The following SDK1 variants were observed in gnomAD, a reference collection of about 807,000 sequenced individuals.
The protein encoded by SDK1 is sidekick cell adhesion molecule 1.
Under a neutral mutation model 245.5 loss-of-function variants are expected in SDK1, and 157 were observed. That is an observed-to-expected ratio of 0.64 (90% CI 0.56 to 0.73). The LOEUF (loss-of-function observed/expected upper bound fraction) is 0.73, where lower values mean the gene tolerates loss of function less well. Ranked by LOEUF, SDK1 falls within the 30% of genes least tolerant of loss-of-function variation. SDK1 has a pLI of 0.00. For missense variants in SDK1, 3,583 were observed against 3,002.3 expected, an observed-to-expected ratio of 1.19 and a Z score of -4.52; for synonymous variants, 1,647 against 1,278.5, an observed-to-expected ratio of 1.29 and a Z score of -6.15.
chr7:4,221,112 G>A, intron 39 of SDK1, 127 bp from the exon 40 acceptor site: 1 of 1,173,030 alleles, frequency 8.5e-7, no homozygotes, highest in Non-Finnish European at 1.2e-6. Flanking sequence ...GGTGCGTGAG[G>A]TTAAGTAACC....
chr7:3,538,311 T>C (rs1452235386), intron 1 of SDK1, among the ~76,000 whole-genome samples: 1 of 152,226 alleles, frequency 6.6e-6, no homozygotes, highest in African/African-American at 2.4e-5. Flanking sequence ...TCTTTTCTTG[T>C]GTTTCCACCT....
chr7:3,513,176 A>T (rs772160113), intron 1 of SDK1, among the ~76,000 whole-genome samples: 3 of 152,212 alleles, frequency 2.0e-5, no homozygotes, highest in Non-Finnish European at 4.4e-5. Flanking sequence ...CACTAGATTT[A>T]GTCTTTCAGA....
chr7:3,604,064 T>C (rs1045358495), intron 1 of SDK1, among the ~76,000 whole-genome samples: 1 of 152,252 alleles, frequency 6.6e-6, no homozygotes, highest in African/African-American at 2.4e-5. Context: ...CTTTTTGATG[T>C]GCTGCTGGAT....
At chr7:3,985,814 T>G (rs1042629613) in intron 13 of SDK1, among the ~76,000 whole-genome samples, 2 of 152,206 alleles carry the variant, frequency 1.3e-5, no homozygotes, top group Non-Finnish European at 2.9e-5. Context: ...AGCTGTTTCT[T>G]GGGGAACTGA....
At chr7:3,732,995 T>C (rs1562403603) in intron 4 of SDK1, among the ~76,000 whole-genome samples, 1 of 152,200 alleles carries the variant, frequency 6.6e-6, no homozygotes, top group Non-Finnish European at 1.5e-5. Context: ...GCTTGTGTTT[T>C]GTTTCCGTTT....
intron 4 of SDK1, among the ~76,000 whole-genome samples, chr7:3,670,529 G>A (rs1783666146): frequency 6.6e-6 from 1 of 152,190 alleles, no homozygotes. Flanking sequence ...GCAGTTATTA[G>A]TCTCAGCTTC....
At position 3,848,716 on chromosome 7, in the gene SDK1, G is replaced by T. The variant is rs144827762; in HGVS notation, c.847+27133G>T. Among the ~76,000 whole-genome samples the T allele has an allele frequency of 6.9e-3, 1,043 of 151,790 alleles. 13 individuals carry two copies. The highest frequency in any genetic ancestry group is 0.024 in the African/African-American group (977 of 41,396). ...GACAGTGTATTGCTCTTGTCACTCA[G>T]GCTGGAGTGCAGTGGCGCGATCACG... On this transcript the variant is annotated intron_variant, in intron 5 of 44. Coordinates refer to ENST00000404826, the MANE Select transcript of SDK1 (RefSeq NM_152744.4).
intron 1 of SDK1, among the ~76,000 whole-genome samples, chr7:3,371,675 C>G (rs1781232000): frequency 6.6e-6 from 1 of 152,128 alleles, no homozygotes; most frequent in South Asian, 2.1e-4. Context: ...TGGACACTCT[C>G]AGGATGCAGA....
intron 4 of SDK1, among the ~76,000 whole-genome samples, chr7:3,652,154 A>G (rs1783031358): frequency 6.6e-6 from 1 of 151,850 alleles, no homozygotes. Flanking sequence ...AGTTGAGACA[A>G]CTCTTTGGGC....
At chr7:3,943,954 T>C (rs1006814296) in intron 5 of SDK1, among the ~76,000 whole-genome samples, 2 of 152,224 alleles carry the variant, frequency 1.3e-5, no homozygotes, top group African/African-American at 2.4e-5. Flanking sequence ...CGTTGGTTGC[T>C]GACTTCTGCA....
At chr7:3,842,692 A>G (rs1262675421) in intron 5 of SDK1, among the ~76,000 whole-genome samples, 1 of 152,100 alleles carries the variant, frequency 6.6e-6, no homozygotes, top group Non-Finnish European at 1.5e-5. Flanking sequence ...GTACCATGAC[A>G]CCAGCACCCT....
At chr7:4,261,753 C>T (rs767559104) in intron 44 of SDK1, among the ~76,000 whole-genome samples, 2 of 152,096 alleles carry the variant, frequency 1.3e-5, no homozygotes, top group African/African-American at 4.8e-5. Context: ...CCTTGATACC[C>T]TCTGGGGAGA....
chr7:3,319,878 C>CTTTTTTTTTTTT (rs57770805), intron 1 of SDK1, among the ~76,000 whole-genome samples: 930 of 87,566 alleles, frequency 0.011, 80 homozygotes, highest in East Asian at 0.023. Context: ...CATTCTTAGT[C>CTTTTTTTTTTTT]TTTTTTTTTT....
At chr7:4,050,296 C>G (rs988983430) in intron 18 of SDK1, among the ~76,000 whole-genome samples, 1 of 152,210 alleles carries the variant, frequency 6.6e-6, no homozygotes, top group Non-Finnish European at 1.5e-5. Context: ...ACTGATTTGT[C>G]TGCCAGAAAG....
chr7:3,559,476 A>T (rs17133554), intron 1 of SDK1, among the ~76,000 whole-genome samples: 36,652 of 151,330 alleles, frequency 0.24, 4,629 homozygotes, highest in East Asian at 0.35. Flanking sequence ...AATGTTTCAA[A>T]TTTTTTTTTA....
chr7:3,351,214 A>G (rs1780651291), intron 1 of SDK1, among the ~76,000 whole-genome samples: 2 of 152,158 alleles, frequency 1.3e-5, no homozygotes, highest in Admixed American at 1.3e-4. Context: ...TAATTTCATA[A>G]AGATTTTATG....
At chr7:3,784,534 TA>T (rs1418163698) in intron 4 of SDK1, among the ~76,000 whole-genome samples, 3 of 151,852 alleles carry the variant, frequency 2.0e-5, no homozygotes, top group African/African-American at 4.8e-5. Flanking sequence ...AAATTCTAAT[TA>T]AAAAAATGGA....
chr7:4,239,806 C>T (rs1272958159), intron 42 of SDK1, among the ~76,000 whole-genome samples: 1 of 152,192 alleles, frequency 6.6e-6, no homozygotes, highest in Non-Finnish European at 1.5e-5. Flanking sequence ...GTTTTCCCAT[C>T]AACTGGGTCT....
Position 4,012,283 on chromosome 7 carries a change from C to T in SDK1, c.2420+48C>T, listed in dbSNP as rs781636400. On this transcript the variant is annotated intron_variant, in intron 16 of 44. Transcript: ENST00000404826. ...TCTTTAGGCCGCCATTAGAGTTGAG[C>T]GTCGATTTCACAGAGGGTTGCAAAC... The T allele has an allele frequency of 1.5e-5, 21 of 1,429,110 alleles. 1 individual carries two copies. Among genetic ancestry groups the T allele is most frequent in the Middle Eastern group, 2.1e-4 (1 of 4,728 alleles). 88.5% of individuals were successfully genotyped at this position (1,429,110 alleles called of 1,614,324 possible). A position where few individuals can be genotyped will look rare whatever the true frequency, so the allele number is the denominator to read the frequency against.
Sources: gnomAD v4.1 joint callset for allele counts (sites outside exome capture counted in the v4.1 genomes callset) on GRCh38, gnomAD v4.1.1 for gene constraint, MANE v1.5 for transcripts, NCBI Gene and HGNC (gene_info 2026-07-23, HGNC 2026-07-21) for gene names.